The following CTNNA3 variants were observed in gnomAD, a reference collection of about 807,000 sequenced individuals.
CTNNA3 encodes the protein catenin alpha 3.
In CTNNA3, 76 loss-of-function variants were observed where a neutral mutation model predicts 95.7. The ratio of observed to expected loss-of-function variants is 0.79; its 90% CI spans 0.66 to 0.96. The LOEUF is 0.96. Ranked by LOEUF, CTNNA3 falls within the 40% of genes least tolerant of loss-of-function variation. The probability of loss-of-function intolerance (pLI) is 0.00; values close to 1 mark genes in which losing one functional copy is unlikely to be tolerated. For missense variants in CTNNA3, 1,191 were observed against 1,089.8 expected (o/e 1.09, Z -1.31); for synonymous variants, 431 against 374.4 (o/e 1.15, Z -1.74).
At chr10:67,162,608 G>A (rs961081240) in intron 7 of CTNNA3, among the ~76,000 whole-genome samples, 3 of 151,280 alleles carry the variant, frequency 2.0e-5, no homozygotes, top group African/African-American at 7.3e-5. Flanking sequence ...CAAAAATCTA[G>A]AAAGAAAGCA....
intron 7 of CTNNA3, among the ~76,000 whole-genome samples, chr10:66,798,411 C>T (rs1272979726): frequency 6.6e-6 from 1 of 151,474 alleles, no homozygotes; most frequent in Non-Finnish European, 1.5e-5. Context: ...AAGAAAGATA[C>T]TAGGCAAATT....
At chr10:66,491,495 A>G (rs1007649454) in intron 11 of CTNNA3, among the ~76,000 whole-genome samples, 3 of 152,202 alleles carry the variant, frequency 2.0e-5, no homozygotes, top group Non-Finnish European at 4.4e-5. Flanking sequence ...ATTAAATGTA[A>G]TGACCATTTT....
intron 7 of CTNNA3, among the ~76,000 whole-genome samples, chr10:67,085,739 C>T (rs1467747854): frequency 6.6e-6 from 1 of 151,850 alleles, no homozygotes; most frequent in Non-Finnish European, 1.5e-5. Context: ...TATTCAGTTC[C>T]CTGCCAATCT....
intron 7 of CTNNA3, among the ~76,000 whole-genome samples, chr10:67,128,615 ACAAT>A (rs942916217): frequency 1.2e-4 from 18 of 152,270 alleles, no homozygotes; most frequent in African/African-American, 3.6e-4. Flanking sequence ...AGATTTTAAA[ACAAT>A]CAAGTTTAAT....
intron 5 of CTNNA3, among the ~76,000 whole-genome samples, chr10:67,476,919 C>A (rs1453191741): frequency 6.6e-6 from 1 of 151,900 alleles, no homozygotes; most frequent in African/African-American, 2.4e-5. Flanking sequence ...TTCAGAGTAC[C>A]TGCTCACCTA....
chr10:67,322,483 T>A (rs1458600534), intron 5 of CTNNA3, among the ~76,000 whole-genome samples: 1 of 152,230 alleles, frequency 6.6e-6, no homozygotes, highest in Non-Finnish European at 1.5e-5. Context: ...GGTATTTGGT[T>A]TGCTGTTTCT....
chr10:67,737,120 C>G (rs1238286256), intron 1 of CTNNA3, among the ~76,000 whole-genome samples: 1 of 152,010 alleles, frequency 6.6e-6, no homozygotes, highest in East Asian at 1.9e-4. Flanking sequence ...CACACCACCA[C>G]ACCGGGCTAA....
intron 5 of CTNNA3, among the ~76,000 whole-genome samples, chr10:67,391,883 A>G (rs2132771746): frequency 6.6e-6 from 1 of 151,470 alleles, no homozygotes; most frequent in African/African-American, 2.4e-5. Flanking sequence ...TCCCTTCCTT[A>G]CACCTTATAC....
At chr10:66,759,417 T>G (rs1839511917) in intron 9 of CTNNA3, among the ~76,000 whole-genome samples, 1 of 152,212 alleles carries the variant, frequency 6.6e-6, no homozygotes, top group African/African-American at 2.4e-5. Context: ...TTTCATACTT[T>G]ACTCAATAAA....
chr10:67,421,176 A>C (rs1845737552), intron 5 of CTNNA3, among the ~76,000 whole-genome samples: 1 of 152,174 alleles, frequency 6.6e-6, no homozygotes, highest in African/African-American at 2.4e-5. Context: ...AGATTGACAA[A>C]GACATGGTCT....
At chr10:66,437,590 G>C (rs894859407) in intron 11 of CTNNA3, among the ~76,000 whole-genome samples, 1 of 151,840 alleles carries the variant, frequency 6.6e-6, no homozygotes, top group Non-Finnish European at 1.5e-5. Flanking sequence ...AGTTCCTAGG[G>C]AGACCTAGGG....
chr10:66,171,600 A>T (rs975052936), intron 13 of CTNNA3, among the ~76,000 whole-genome samples: 2 of 152,002 alleles, frequency 1.3e-5, no homozygotes, highest in African/African-American at 4.8e-5. Context: ...TGCACAATCT[A>T]TGGACCTTAA....
At chr10:66,868,559 T>A (rs1004926355) in intron 7 of CTNNA3, among the ~76,000 whole-genome samples, 26 of 151,390 alleles carry the variant, frequency 1.7e-4, no homozygotes, top group Admixed American at 3.3e-4. Context: ...GAGACCAGCA[T>A]GGCCAACATG....
At chr10:66,826,722 T>G (rs1300940920) in intron 7 of CTNNA3, among the ~76,000 whole-genome samples, 1 of 152,324 alleles carries the variant, frequency 6.6e-6, no homozygotes, top group East Asian at 1.9e-4. Flanking sequence ...TGAAAAACTG[T>G]CTCTCACTGT....
intron 12 of CTNNA3, among the ~76,000 whole-genome samples, chr10:66,339,204 CTG>C (rs2092428165): frequency 6.6e-6 from 1 of 151,786 alleles, no homozygotes; most frequent in African/African-American, 2.4e-5. Context: ...AAATTAATCT[CTG>C]TTATTAATTG....
intron 7 of CTNNA3, among the ~76,000 whole-genome samples, chr10:67,003,373 G>C (rs1182108692): frequency 6.6e-6 from 1 of 152,012 alleles, no homozygotes; most frequent in South Asian, 2.1e-4. Flanking sequence ...ACTGTACAAA[G>C]TCTTCAAGCC....
intron 7 of CTNNA3, among the ~76,000 whole-genome samples, chr10:67,057,655 A>C (rs1217172302): frequency 6.6e-6 from 1 of 152,084 alleles, no homozygotes; most frequent in Non-Finnish European, 1.5e-5. Flanking sequence ...TTACTTCAAG[A>C]AGCACCCTCA....
intron 12 of CTNNA3, among the ~76,000 whole-genome samples, chr10:66,358,171 C>T (rs909278107): frequency 4.6e-5 from 7 of 152,144 alleles, no homozygotes; most frequent in Admixed American, 1.3e-4. Context: ...CCACCACTAC[C>T]TCCAAAGTGG....
At chr10:66,705,356 G>A (rs1270437933) in intron 9 of CTNNA3, among the ~76,000 whole-genome samples, 1 of 151,984 alleles carries the variant, frequency 6.6e-6, no homozygotes, top group Non-Finnish European at 1.5e-5. Context: ...CATCAGGATA[G>A]TGTTAGCCTC....
Sources: gnomAD v4.1 joint callset for allele counts (sites outside exome capture counted in the v4.1 genomes callset) on GRCh38, gnomAD v4.1.1 for gene constraint, MANE v1.5 for transcripts, NCBI Gene and HGNC (gene_info 2026-07-23, HGNC 2026-07-21) for gene names.